The following VPS13A variants were observed in gnomAD, a reference collection of about 807,000 sequenced individuals.
The protein encoded by VPS13A is intermembrane lipid transfer protein VPS13A.
VPS13A carries 264 observed loss-of-function variants against 390.9 expected under a neutral mutation model. That is an observed-to-expected ratio of 0.68 (90% CI 0.61 to 0.75). The LOEUF (loss-of-function observed/expected upper bound fraction) is 0.75. Among genes scored for constraint, VPS13A ranks in the 30% least tolerant of loss-of-function variants. The pLI is 0.00. For synonymous variants in VPS13A, 1,231 were observed against 1,227.1 expected (o/e 1.00, Z -0.07); for missense variants, 3,409 against 3,733.9 (o/e 0.91, Z 2.27).
chr9:77,211,637 A>G, intron 7 of VPS13A: 1 of 152,336 alleles, frequency 6.6e-6, no homozygotes, highest in South Asian at 2.1e-4. Context: ...ATGCCCTCCA[A>G]AAAGTTACTC....
chr9:77,326,681 C>CTA (rs1477401838), intron 45 of VPS13A, among the ~76,000 whole-genome samples: 1 of 152,192 alleles, frequency 6.6e-6, no homozygotes, highest in East Asian at 1.9e-4. Flanking sequence ...TCTACCAATT[C>CTA]TATTACATGT....
chr9:77,406,694 G>A (rs906271910), intron 70 of VPS13A, among the ~76,000 whole-genome samples: 1 of 151,566 alleles, frequency 6.6e-6, no homozygotes, highest in Non-Finnish European at 1.5e-5. Flanking sequence ...TGTGATTATA[G>A]ACGTGAGCCA....
At chr9:77,234,244 T>C (rs79326720) in intron 17 of VPS13A, among the ~76,000 whole-genome samples, 1,905 of 152,276 alleles carry the variant, frequency 0.013, 40 homozygotes, top group African/African-American at 0.044. Flanking sequence ...GGTGTAGTTA[T>C]AGCCTCACTG....
intron 1 of VPS13A, among the ~76,000 whole-genome samples, chr9:77,178,576 G>C (rs1823802816): frequency 1.3e-5 from 2 of 152,214 alleles, no homozygotes; most frequent in Non-Finnish European, 2.9e-5. Context: ...GCGGTGCAAC[G>C]TCTCAGACCT....
chr9:77,369,244 A>G, intron 62 of VPS13A, 55 bp from the exon 63 acceptor site: 3 of 1,373,990 alleles, frequency 2.2e-6, no homozygotes, highest in Non-Finnish European at 3.1e-6. Context: ...AATAATGTAT[A>G]AGAAAAAATA....
chr9:77,405,137 T>G lies in VPS13A; in HGVS notation c.9276-727T>G, dbSNP rs1026887102. Among the ~76,000 whole-genome samples, 27 of 152,144 alleles carry G rather than the reference T, an allele frequency of 1.8e-4. 1 individual carries two copies. The highest frequency in any genetic ancestry group is 1.6e-3 in the Admixed American group (24 of 15,278). ...CAGAAGGTATTTTCATTTCTTGGTTTCTTTCTTCAAAATGGGAAAACAAGA... is the reference window on the plus strand; with the variant it reads ...CAGAAGGTATTTTCATTTCTTGGTTGCTTTCTTCAAAATGGGAAAACAAGA... On this transcript the variant is annotated intron_variant, in intron 69 of 71. Coordinates refer to ENST00000360280, the MANE Select transcript of VPS13A (RefSeq NM_033305.3).
intron 68 of VPS13A, among the ~76,000 whole-genome samples, chr9:77,392,701 C>T (rs529171671): frequency 1.7e-3 from 250 of 150,650 alleles, no homozygotes; most frequent in Non-Finnish European, 3.0e-3. Context: ...TGTACAATCA[C>T]GTCGTTAAAA....
At position 77,219,965 on chromosome 9, in the gene VPS13A, A is replaced by G. The variant is rs1464904512; in HGVS notation, c.766A>G (p.Ile256Val). The G allele has an allele frequency of 1.2e-6, 2 of 1,613,512 alleles. No individual in the cohort carries two copies. The highest frequency in any genetic ancestry group is 2.2e-5 in the East Asian group (1 of 44,826). The part of the protein sequence containing the change: ...PEGYDFVFRP[I>V]SANAKLVMNR... The stretch of plus-strand genomic sequence containing the variant: ...TTATTATTTTTCAGTATTTCGTCCC[A>G]TATCTGCTAATGCCAAACTTGTGAT... Residue 256 changes from isoleucine (I) to valine (V), a missense_variant, in exon 11 of 72, where the codon ATA becomes GTA. Ile to Val is a conservative substitution (Grantham distance 29, BLOSUM62 3). Around this residue, in one of 5 missense-constraint regions of VPS13A, gnomAD observed 2,717 missense variants for 2,917.4 expected, o/e 0.93. Coordinates refer to ENST00000360280, the MANE Select transcript of VPS13A (RefSeq NM_033305.3).
intron 70 of VPS13A, among the ~76,000 whole-genome samples, chr9:77,406,571 C>G (rs1338697628): frequency 6.6e-6 from 1 of 152,092 alleles, no homozygotes; most frequent in African/African-American, 2.4e-5. Flanking sequence ...GCATGTGCCA[C>G]CATGCCGACT....
chr9:77,227,688 G>A (rs927006084), intron 16 of VPS13A, among the ~76,000 whole-genome samples: 9 of 148,634 alleles, frequency 6.1e-5, no homozygotes, highest in African/African-American at 2.0e-4. Context: ...GCTAATTTTT[G>A]TGGTTTTTTT....
chr9:77,320,826 CATTAA>C (rs1035996756), intron 42 of VPS13A, among the ~76,000 whole-genome samples: 1 of 151,980 alleles, frequency 6.6e-6, no homozygotes, highest in Non-Finnish European at 1.5e-5. Flanking sequence ...ATGACCAATA[CATTAA>C]GTTACTTTTT....
chr9:77,271,365 A>G (rs1390175453), intron 23 of VPS13A, among the ~76,000 whole-genome samples: 1 of 152,206 alleles, frequency 6.6e-6, no homozygotes, highest in Non-Finnish European at 1.5e-5. Context: ...TGAAACTTGA[A>G]AATAGCATAA....
intron 10 of VPS13A, among the ~76,000 whole-genome samples, chr9:77,216,458 T>C (rs539550163): frequency 5.5e-4 from 83 of 152,172 alleles, no homozygotes; most frequent in African/African-American, 1.9e-3. Flanking sequence ...AGTTTCTGGA[T>C]TGATGTAGGT....
At chr9:77,377,962 CATTA>C (rs1178078608) in intron 67 of VPS13A, among the ~76,000 whole-genome samples, 1 of 152,140 alleles carries the variant, frequency 6.6e-6, no homozygotes, top group Non-Finnish European at 1.5e-5. Flanking sequence ...TAGTATATTA[CATTA>C]ATTGAGTCAG....
intron 19 of VPS13A, among the ~76,000 whole-genome samples, chr9:77,241,363 T>C (rs900244459): frequency 3.3e-5 from 5 of 152,174 alleles, no homozygotes; most frequent in African/African-American, 1.2e-4. Context: ...AGGAATTCTG[T>C]TTTGTTAAAT....
At chr9:77,407,637 G>A in intron 71 of VPS13A, 30 bp downstream of exon 71, 1 of 1,510,648 alleles carries the variant, frequency 6.6e-7, no homozygotes, top group Non-Finnish European at 9.2e-7. Flanking sequence ...TATTTAAATA[G>A]GAGCTGCTCA....
chr9:77,332,287 C>T (rs1830319080), intron 46 of VPS13A, among the ~76,000 whole-genome samples, 174 bp downstream of exon 46: 1 of 151,870 alleles, frequency 6.6e-6, no homozygotes, highest in Non-Finnish European at 1.5e-5. Context: ...ATTGTAATAA[C>T]TTATACCAAG....
intron 71 of VPS13A, among the ~76,000 whole-genome samples, chr9:77,414,011 G>A (rs1835060944): frequency 2.0e-5 from 3 of 152,358 alleles, no homozygotes; most frequent in Admixed American, 2.0e-4. Flanking sequence ...CTGGCCATCA[G>A]AGAAATGCAA....
rs542850295 is a variant in VPS13A at position 77,276,133 on chromosome 9, A to T, written c.2736A>T (p.Gly912=). 7 of 1,613,140 alleles carry T rather than the reference A, an allele frequency of 4.3e-6. No individual in the cohort carries two copies. Among genetic ancestry groups the T allele is most frequent in the East Asian group, 4.5e-5 (2 of 44,766 alleles). Residue 912 remains glycine, a synonymous_variant, in exon 26 of 72, where the codon GGA becomes GGT. Transcript: ENST00000360280. ...ELSVVEILVL[G]LGAEIEIRTY... is the part of the protein sequence containing the mutation. ...CTGTGGTAGAAATTCTTGTTTTAGGATTGGGTGCAGAAATTGAGATTAGAA... is the reference window on the plus strand; with the variant it reads ...CTGTGGTAGAAATTCTTGTTTTAGGTTTGGGTGCAGAAATTGAGATTAGAA...
Sources: allele counts gnomAD v4.1 joint callset (sites outside exome capture counted in the v4.1 genomes callset), GRCh38; gene constraint gnomAD v4.1.1; regional missense constraint gnomAD v4.1.1; transcripts MANE v1.5; gene names NCBI Gene and HGNC (gene_info 2026-07-23, HGNC 2026-07-21).